ATXN2: variants seen among roughly 807,000 people sequenced by gnomAD.
The protein encoded by ATXN2 is ataxin-2.
A neutral mutation model predicts 138.6 loss-of-function variants in ATXN2; 37 were observed. The ratio of observed to expected loss-of-function variants is 0.27; its 90% CI spans 0.21 to 0.35. The LOEUF (loss-of-function observed/expected upper bound fraction) is 0.35. ATXN2 is among the 10% of genes least tolerant of loss of function. ATXN2 has a pLI of 1.00. For missense variants in ATXN2, 1,216 were observed against 1,480.3 expected (o/e 0.82, Z 2.93); for synonymous variants, 549 against 543.7 (o/e 1.01, Z -0.13).
At chr12:111,560,030 G>C (rs1372024372) in intron 1 of ATXN2, among the ~76,000 whole-genome samples, 1 of 151,934 alleles carries the variant, frequency 6.6e-6, no homozygotes, top group East Asian at 1.9e-4. Flanking sequence ...AAGAGAGCTG[G>C]GAGGACTCCT....
At chr12:111,526,248 C>T (rs1310554887) in intron 5 of ATXN2, among the ~76,000 whole-genome samples, 2 of 150,924 alleles carry the variant, frequency 1.3e-5, no homozygotes, top group Admixed American at 1.3e-4. Context: ...CCCAGCTACT[C>T]GGGAGGCTGA....
rs61507608 is a variant in ATXN2 at position 111,467,307 on chromosome 12, C to CTTTTTTT, written c.2843-2599_2843-2593dup. Among the ~76,000 whole-genome samples, 31 of 34,828 alleles carry CTTTTTTT rather than the reference C, an allele frequency of 8.9e-4. 10 individuals are homozygous for CTTTTTTT. Among genetic ancestry groups the CTTTTTTT allele is most frequent in the African/African-American group, 3.4e-3 (22 of 6,564 alleles). 22.8% of individuals were successfully genotyped at this position (34,828 alleles called of 152,430 possible). A position where few individuals can be genotyped will look rare whatever the true frequency, so the allele number is the denominator to read the frequency against. On this transcript the variant is annotated intron_variant, in intron 20 of 24. Coordinates refer to ENST00000673436, the MANE Select transcript of ATXN2 (RefSeq NM_001372574.1). ...ACAGGCATGTGCCACCATGACTGGG[C>CTTTTTTT]TTTTTTTTTTTTTTTTTTTTTTTTT...
At chr12:111,532,853 GAAAAAAA>G (rs33992543) in intron 5 of ATXN2, among the ~76,000 whole-genome samples, 6 of 121,748 alleles carry the variant, frequency 4.9e-5, no homozygotes, top group Non-Finnish European at 1.1e-4. Context: ...TAGGTTTAAG[GAAAAAAA>G]AAAAAAAAAA....
intron 1 of ATXN2, among the ~76,000 whole-genome samples, chr12:111,562,249 C>T (rs1038732251): frequency 6.6e-6 from 1 of 152,016 alleles, no homozygotes; most frequent in Non-Finnish European, 1.5e-5. Flanking sequence ...TCCTGAGCAA[C>T]TTCGCAAGAC....
intron 23 of ATXN2, chr12:111,455,165 C>A (rs1229885101): frequency 4.3e-6 from 3 of 702,282 alleles, no homozygotes; most frequent in East Asian, 2.7e-5. Flanking sequence ...CTCACTTAGA[C>A]CCGCCTCAGA....
chr12:111,546,361 G>A (rs912673527), intron 5 of ATXN2, among the ~76,000 whole-genome samples: 1 of 152,170 alleles, frequency 6.6e-6, no homozygotes, highest in African/African-American at 2.4e-5. Context: ...TTCTGGCTTT[G>A]CAAGTCCTAC....
rs1286061402 is a variant in ATXN2, at chr12:111,452,235, ATTTT to A, written c.*573_*576del. The A allele has an allele frequency of 6.6e-6, 1 of 152,338 alleles. No individual in the cohort carries two copies. The highest frequency in any genetic ancestry group is 1.5e-5 in the Non-Finnish European group (1 of 68,010). The allele number at this position is 152,338 out of a possible 1,614,324, so 9.4% of individuals were successfully genotyped here. The stretch of plus-strand genomic sequence containing the variant: ...TTGATCAGTTTTTAAAACTTTTTTT[ATTTT>A]TTAAATTTTTTTTAAGTTTTTATTT... On this transcript the variant is annotated 3_prime_UTR_variant, in exon 25 of 25. Transcript: ENST00000673436.
chr12:111,504,389 C>T (rs1348527637), intron 14 of ATXN2, among the ~76,000 whole-genome samples: 1 of 152,114 alleles, frequency 6.6e-6, no homozygotes, highest in Non-Finnish European at 1.5e-5. Flanking sequence ...TGGGTTCAAG[C>T]GAATCTCCTG....
chr12:111,587,978 G>C (rs879672176), intron 1 of ATXN2, among the ~76,000 whole-genome samples: 3 of 151,760 alleles, frequency 2.0e-5, no homozygotes, highest in Non-Finnish European at 4.4e-5. Flanking sequence ...TGGATCACTC[G>C]AGGCCATGAG....
chr12:111,576,085 A>ATAACATAACATAAC (rs1883624031), intron 1 of ATXN2, among the ~76,000 whole-genome samples: 2 of 123,390 alleles, frequency 1.6e-5, no homozygotes, highest in South Asian at 5.2e-4. Context: ...TCTGTCTTAA[A>ATAACATAACATAAC]ATAACATAAC....
chr12:111,582,506 G>A (rs1190377731), intron 1 of ATXN2, among the ~76,000 whole-genome samples: 1 of 152,066 alleles, frequency 6.6e-6, no homozygotes, highest in Admixed American at 6.6e-5. Context: ...TACTCAGGAG[G>A]CTGAGGTGGG....
intron 5 of ATXN2, among the ~76,000 whole-genome samples, chr12:111,525,860 ATTTT>A (rs1880463788): frequency 6.6e-6 from 1 of 151,454 alleles, no homozygotes; most frequent in Non-Finnish European, 1.5e-5. Context: ...AATTTTTTGT[ATTTT>A]TAGTAGACGG....
chr12:111,503,322 C>T (rs1458495256), intron 14 of ATXN2, among the ~76,000 whole-genome samples: 1 of 152,196 alleles, frequency 6.6e-6, no homozygotes, highest in Admixed American at 6.5e-5. Flanking sequence ...ATGGTCAGCC[C>T]TCTTACTTAC....
At chr12:111,461,903 CAG>C (rs573515465) in intron 21 of ATXN2, among the ~76,000 whole-genome samples, 172 of 142,002 alleles carry the variant, frequency 1.2e-3, no homozygotes, top group Middle Eastern at 3.7e-3. Context: ...GCCTGGACGA[CAG>C]AGTGAGACTC....
At chr12:111,494,033 T>G (rs537852879) in intron 14 of ATXN2, among the ~76,000 whole-genome samples, 1 of 150,800 alleles carries the variant, frequency 6.6e-6, no homozygotes, top group Admixed American at 6.6e-5. Flanking sequence ...TGGGTTCAAG[T>G]GATTCTCCTG....
At chr12:111,480,190 GA>G (rs150494096) in intron 18 of ATXN2, among the ~76,000 whole-genome samples, 15,534 of 152,116 alleles carry the variant, frequency 0.1, 2,641 homozygotes, top group African/African-American at 0.35. Flanking sequence ...GTAGTTACAT[GA>G]GCAAATATAT....
At position 111,475,277 on chromosome 12, in the gene ATXN2, G is replaced by C. The variant is rs534115424; in HGVS notation, c.2525-4535C>G. Among the ~76,000 whole-genome samples, 192 of 148,520 alleles carry C rather than the reference G, an allele frequency of 1.3e-3. 1 individual carries two copies. Among genetic ancestry groups the C allele is most frequent in the African/African-American group, 3.8e-3 (154 of 40,348 alleles). On this transcript the variant is annotated intron_variant, in intron 18 of 24. Transcript: ENST00000673436. ...GAGAATTGCTTGAACCCCAGAGGGG[G>C]AGGTTGCAGTGAGTTGAGATTGTGC... is the stretch of plus-strand genomic sequence containing the variant.
chr12:111,480,347 T>A (rs564648051), intron 18 of ATXN2, among the ~76,000 whole-genome samples: 2 of 152,164 alleles, frequency 1.3e-5, no homozygotes, highest in Non-Finnish European at 2.9e-5. Context: ...TAAGATAAAT[T>A]CTAAAATTAG....
chr12:111,469,963 C>A, intron 20 of ATXN2, 145 bp downstream of exon 20: 2 of 959,900 alleles, frequency 2.1e-6, no homozygotes, highest in South Asian at 2.6e-5. Context: ...GCAAGTCAGG[C>A]AAAGAAATGG....
Sources: gnomAD v4.1 joint callset for allele counts (sites outside exome capture counted in the v4.1 genomes callset) on GRCh38, gnomAD v4.1.1 for gene constraint, MANE v1.5 for transcripts, NCBI Gene and HGNC (gene_info 2026-07-23, HGNC 2026-07-21) for gene names.